Variants in SHROOM3 observed in about 807,000 individuals in gnomAD.
The protein encoded by SHROOM3 is protein Shroom3.
SHROOM3 carries 47 observed loss-of-function variants against 138.6 expected under a neutral mutation model. The observed-to-expected ratio is 0.34, with a 90% CI of 0.27 to 0.43. The LOEUF is 0.43. SHROOM3 is among the 20% of genes least tolerant of loss of function. The pLI, the probability that SHROOM3 is intolerant of heterozygous loss-of-function variation, is 1.00. For synonymous variants in SHROOM3, 1,062 were observed against 1,063.3 expected, an observed-to-expected ratio of 1.00 and a Z score of 0.02; for missense variants, 2,491 against 2,596.5, an observed-to-expected ratio of 0.96 and a Z score of 0.88.
chr4:76,599,133 C>A (rs1207269651), intron 2 of SHROOM3, among the ~76,000 whole-genome samples: 1 of 152,094 alleles, frequency 6.6e-6, no homozygotes, highest in Non-Finnish European at 1.5e-5. Context: ...GAGATTATCA[C>A]ATCCCCGTAA....
intron 1 of SHROOM3, among the ~76,000 whole-genome samples, chr4:76,547,539 G>A (rs1319516484): frequency 2.6e-5 from 4 of 152,102 alleles, no homozygotes; most frequent in African/African-American, 7.2e-5. Flanking sequence ...TCTGGGCGTC[G>A]GGGATACAGC....
chr4:76,539,940 C>T (rs527995391), intron 1 of SHROOM3, among the ~76,000 whole-genome samples: 6 of 152,284 alleles, frequency 3.9e-5, no homozygotes, highest in Admixed American at 2.6e-4. Flanking sequence ...TTCCATCTTC[C>T]GGGTTCAAGC....
At chr4:76,580,747 C>A (rs895113878) in intron 2 of SHROOM3, among the ~76,000 whole-genome samples, 1 of 152,150 alleles carries the variant, frequency 6.6e-6, no homozygotes, top group Non-Finnish European at 1.5e-5. Flanking sequence ...AGTTTTTAAT[C>A]TCTCTGTGCT....
intron 1 of SHROOM3, among the ~76,000 whole-genome samples, chr4:76,506,640 G>T (rs1474112795): frequency 2.6e-5 from 4 of 152,090 alleles, no homozygotes; most frequent in Non-Finnish European, 5.9e-5. Context: ...GGGTATGAAG[G>T]ATATAGTATC....
intron 1 of SHROOM3, among the ~76,000 whole-genome samples, chr4:76,485,842 C>T (rs1384678404): frequency 6.6e-6 from 1 of 152,130 alleles, no homozygotes; most frequent in East Asian, 1.9e-4. Context: ...TGAAATGTGT[C>T]ATAATAAATG....
At chr4:76,756,146 G>A (rs944682097) in intron 7 of SHROOM3, among the ~76,000 whole-genome samples, 3 of 152,174 alleles carry the variant, frequency 2.0e-5, no homozygotes, top group African/African-American at 4.8e-5. Flanking sequence ...GATCTCAAAT[G>A]TGACTATCTC....
chr4:76,621,585 C>G (rs1347448164), intron 2 of SHROOM3, among the ~76,000 whole-genome samples: 15 of 152,116 alleles, frequency 9.9e-5, no homozygotes, highest in Non-Finnish European at 8.8e-5. Context: ...CAAACAGACC[C>G]TCTGTCACAT....
At chr4:76,499,632 G>A (rs991392975) in intron 1 of SHROOM3, among the ~76,000 whole-genome samples, 8 of 152,178 alleles carry the variant, frequency 5.3e-5, no homozygotes, top group African/African-American at 1.7e-4. Flanking sequence ...AGACATGCAC[G>A]CTAGGCTGCC....
At chr4:76,648,059 G>A (rs1735865245) in intron 2 of SHROOM3, among the ~76,000 whole-genome samples, 1 of 152,156 alleles carries the variant, frequency 6.6e-6, no homozygotes, top group African/African-American at 2.4e-5. Context: ...TATGCACAGT[G>A]ACTCATACCT....
chr4:76,523,887 C>T (rs911993916), intron 1 of SHROOM3, among the ~76,000 whole-genome samples: 5 of 152,092 alleles, frequency 3.3e-5, no homozygotes, highest in African/African-American at 9.7e-5. Context: ...ATGGTGGTGC[C>T]GAGGCTGGAG....
rs56288877 is a variant in SHROOM3 at position 76,490,941 on chromosome 4, C to A, written c.168+54721C>A. ...GAGTCAGCTTTCTTAACCACTGGAGCCCATTGGGGTTGGAATAAGGCTTTG... is the reference window on the plus strand; with the variant it reads ...GAGTCAGCTTTCTTAACCACTGGAGACCATTGGGGTTGGAATAAGGCTTTG... On this transcript the variant is annotated intron_variant, in intron 1 of 10. Transcript: ENST00000296043. Among the ~76,000 whole-genome samples the A allele has an allele frequency of 8.0e-3, 1,217 of 152,218 alleles. 6 individuals are homozygous for A. Among genetic ancestry groups the A allele is most frequent in the South Asian group, 0.016 (77 of 4,816 alleles).
chr4:76,678,705 G>A (rs1157498963), intron 2 of SHROOM3, among the ~76,000 whole-genome samples: 1 of 152,086 alleles, frequency 6.6e-6, no homozygotes, highest in African/African-American at 2.4e-5. Flanking sequence ...TTGTTCCTCA[G>A]GCTGGAGTGC....
chr4:76,773,293 G>A (rs1369229758), intron 10 of SHROOM3, among the ~76,000 whole-genome samples: 2 of 150,344 alleles, frequency 1.3e-5, no homozygotes, highest in Non-Finnish European at 2.9e-5. Context: ...AGAATTGCTT[G>A]AACCCGGGAA....
chr4:76,720,061 A>G (rs1720489678), intron 3 of SHROOM3, among the ~76,000 whole-genome samples: 2 of 151,848 alleles, frequency 1.3e-5, no homozygotes, highest in African/African-American at 2.4e-5. Context: ...GGTATTACCT[A>G]ATGCATACCT....
intron 2 of SHROOM3, among the ~76,000 whole-genome samples, chr4:76,693,807 A>G (rs1284120784): frequency 7.3e-6 from 1 of 136,090 alleles, no homozygotes; most frequent in East Asian, 2.4e-4. Context: ...GGAACTACGC[A>G]CTAGGCAAAC....
chr4:76,646,114 A>G (rs1472900082), intron 2 of SHROOM3, among the ~76,000 whole-genome samples: 1 of 151,644 alleles, frequency 6.6e-6, no homozygotes, highest in East Asian at 1.9e-4. Context: ...AGATATACCT[A>G]ATGTAAACGA....
At chr4:76,620,990 C>A (rs748358572) in intron 2 of SHROOM3, among the ~76,000 whole-genome samples, 3 of 152,130 alleles carry the variant, frequency 2.0e-5, no homozygotes, top group Non-Finnish European at 4.4e-5. Context: ...AGGATTAAAA[C>A]CCTTAAGCAT....
chr4:76,626,176 A>C (rs1456653645), intron 2 of SHROOM3, among the ~76,000 whole-genome samples: 3 of 152,202 alleles, frequency 2.0e-5, no homozygotes, highest in African/African-American at 7.2e-5. Context: ...GCGAACCCTA[A>C]TTCATGTAAA....
At chr4:76,772,126 C>CA (rs1219177823) in intron 10 of SHROOM3, among the ~76,000 whole-genome samples, 1 of 129,748 alleles carries the variant, frequency 7.7e-6, no homozygotes, top group East Asian at 2.3e-4. Flanking sequence ...TTTTTTGAGA[C>CA]AGAGTCTCAC....
Sources: gnomAD v4.1 joint callset for allele counts (sites outside exome capture counted in the v4.1 genomes callset) on GRCh38, gnomAD v4.1.1 for gene constraint, MANE v1.5 for transcripts, NCBI Gene and HGNC (gene_info 2026-07-23, HGNC 2026-07-21) for gene names.